ERCC1: variants seen among roughly 807,000 people sequenced by gnomAD.
ERCC1 encodes the protein ERCC excision repair 1, endonuclease non-catalytic subunit, also known as DNA excision repair protein ERCC-1.
A neutral mutation model predicts 37.6 loss-of-function variants in ERCC1; 36 were observed. The observed-to-expected ratio is 0.96, with a 90% CI of 0.73 to 1.26. The LOEUF is 1.26. Ranked by LOEUF, ERCC1 falls within the 50% of genes most tolerant of loss-of-function variation. The probability of loss-of-function intolerance (pLI) is 0.00; values close to 1 mark genes in which losing one functional copy is unlikely to be tolerated. For missense variants in ERCC1, 349 were observed against 376.5 expected (o/e 0.93, Z 0.60); for synonymous variants, 156 against 162.1 (o/e 0.96, Z 0.28).
chr19:45,428,083 C>CTTTCT (rs1555790018), upstream of ERCC1, among the ~76,000 whole-genome samples: 7 of 116,018 alleles, frequency 6.0e-5, no homozygotes, highest in South Asian at 2.7e-4. Context: ...TTCTTTCTTT[C>CTTTCT]TTTTTTTTTT....
chr19:45,446,697 C>T (rs1840134502), intron 1 of ERCC1, among the ~76,000 whole-genome samples: 1 of 152,128 alleles, frequency 6.6e-6, no homozygotes, highest in Non-Finnish European at 1.5e-5. Context: ...CACATGGAGC[C>T]GGTGTAGAAA....
intron 6 of ERCC1, among the ~76,000 whole-genome samples, chr19:45,416,185 A>T (rs1974059152): frequency 6.6e-6 from 1 of 152,198 alleles, no homozygotes; most frequent in Non-Finnish European, 1.5e-5. Context: ...AAGATCAGAG[A>T]ATACTCTGGA....
rs183371964 is a variant in ERCC1, at chr19:45,407,373, A to T, written c.*2302T>A. 173 of 769,460 alleles carry T rather than the reference A, an allele frequency of 2.2e-4. No homozygotes were observed. The African/African-American group carries it at 2.6e-3, about 11-fold the overall frequency. 47.7% of individuals were successfully genotyped at this position (769,460 alleles called of 1,614,324 possible). On this transcript the variant is annotated 3_prime_UTR_variant, in exon 10 of 10. Transcript: ENST00000300853. ...CAAGTTTATTGGAAACTACTCCTTT[A>T]CAGAGTAGAGTGTCCTCAGAAAGCA...
At chr19:45,410,684 G>A (rs1973680574) in intron 9 of ERCC1, 3 of 151,360 alleles carry the variant, frequency 2.0e-5, no homozygotes, top group Non-Finnish European at 4.4e-5. Flanking sequence ...TTATCTCCAT[G>A]AGTTCAATTG....
At chr19:45,421,040 CGAAT>C (rs3212949) in intron 3 of ERCC1, 134 bp downstream of exon 3, 9,061 of 748,174 alleles carry the variant, frequency 0.012, 70 homozygotes, top group Admixed American at 0.023. Context: ...ACACTGCTGT[CGAAT>C]GAATGAATGA....
chr19:45,449,004 C>T (rs1188625508), intron 1 of ERCC1, among the ~76,000 whole-genome samples: 2 of 152,188 alleles, frequency 1.3e-5, no homozygotes, highest in African/African-American at 4.8e-5. Context: ...AGGAGCTTTA[C>T]ATAACGTAGC....
At chr19:45,414,637 G>A in intron 7 of ERCC1, 1 of 517,644 alleles carries the variant, frequency 1.9e-6, no homozygotes, top group Non-Finnish European at 3.5e-6. Flanking sequence ...AGAAGTCTGG[G>A]CTTTCTCTCG....
chr19:45,426,921 T>G (rs941158939), upstream of ERCC1, among the ~76,000 whole-genome samples: 1 of 146,948 alleles, frequency 6.8e-6, no homozygotes, highest in African/African-American at 2.6e-5. Flanking sequence ...GATCACGCAA[T>G]TGTACTCCAG....
chr19:45,421,069 G>A, intron 3 of ERCC1, 109 bp downstream of exon 3: 1 of 873,220 alleles, frequency 1.1e-6, no homozygotes, highest in East Asian at 2.5e-5. Context: ...ATGAATGAAT[G>A]GGGAGAACAA....
chr19:45,428,085 T>TTTTTTC (rs1974743209), upstream of ERCC1, among the ~76,000 whole-genome samples: 1 of 136,060 alleles, frequency 7.3e-6, no homozygotes, highest in African/African-American at 3.0e-5. Context: ...CTTTCTTTCT[T>TTTTTTC]TTTTTTTTTT....
chr19:45,415,053 G>C, intron 6 of ERCC1, 93 bp from the exon 7 acceptor site: 1 of 935,868 alleles, frequency 1.1e-6, no homozygotes, highest in Non-Finnish European at 1.7e-6. Context: ...CCAATACTAG[G>C]CCGGGCGCGG....
intron 1 of ERCC1, 167 bp from the exon 2 acceptor site, chr19:45,423,548 C>T: frequency 6.9e-7 from 1 of 1,440,404 alleles, no homozygotes. Context: ...CCCCTTTGAC[C>T]TCCACCTTCG....
At position 45,420,415 on chromosome 19, in the gene ERCC1, C is replaced by T. The variant is rs534169621; in HGVS notation, c.334G>A (p.Val112Ile). ...GGCACATTGCGCACGAACTTCAGTA[C>T]GGGATTGCCCCTCTGGGGAGGGACG... is the stretch of plus-strand genomic sequence containing the variant. ...IVSPRQRGNP[V>I]LKFVRNVPWE... Residue 112 changes from valine to isoleucine, a missense_variant, in exon 4 of 10, where the codon GTA (valine) becomes ATA (isoleucine). Transcript: ENST00000300853. The surrounding 1 kb of genome is among the most constrained non-coding windows in gnomAD (Gnocchi z 4.8). The T allele has an allele frequency of 2.7e-5, 44 of 1,612,528 alleles. No homozygotes were observed. The highest frequency in any genetic ancestry group is 8.8e-5 in the South Asian group (8 of 90,860).
In ERCC1 at chr19:45,409,010, G is replaced by C; in HGVS notation, c.*665C>G. On this transcript the variant is annotated 3_prime_UTR_variant, in exon 10 of 10. Transcript: ENST00000300853. Reference sequence around the variant, plus strand: ...GATGGAGCCAGGGACGGAGGCGATGGAGCCAGTGGAGCCGGAGATGAAGCC... The same window carrying C: ...GATGGAGCCAGGGACGGAGGCGATGCAGCCAGTGGAGCCGGAGATGAAGCC... 6.2e-7 allele frequency: 1 copy of C among 1,614,078 alleles called. No individual in the cohort carries two copies. The highest frequency in any genetic ancestry group is 8.5e-7 in the Non-Finnish European group (1 of 1,180,026).
intron 9 of ERCC1, among the ~76,000 whole-genome samples, chr19:45,411,916 G>A (rs1031202505): frequency 3.3e-5 from 5 of 151,602 alleles, no homozygotes; most frequent in African/African-American, 4.8e-5. Flanking sequence ...GAGTGCAGTG[G>A]TATGATCTCG....
At position 45,438,075 on chromosome 19, in the gene ERCC1, A is replaced by AT. The variant is rs563070736; in HGVS notation, c.-7-14695dup. Among the ~76,000 whole-genome samples, 305 of 151,492 alleles carry AT rather than the reference A, an allele frequency of 2.0e-3. 1 individual carries two copies. The highest frequency in any genetic ancestry group is 7.0e-3 in the African/African-American group (289 of 41,376). On this transcript the variant is annotated intron_variant, in intron 1 of 8. Coordinates refer to the ERCC1 transcript ENST00000423698. ...GGCGTGTGAGACCACGCCCAGCTAAATTTTTTTTGTATTTTTAGTAGAGAT... is the reference window on the plus strand; with the variant it reads ...GGCGTGTGAGACCACGCCCAGCTAAATTTTTTTTTGTATTTTTAGTAGAGAT...
At chr19:45,421,880 G>A (rs1030156278) in intron 2 of ERCC1, among the ~76,000 whole-genome samples, 3 of 151,726 alleles carry the variant, frequency 2.0e-5, no homozygotes, top group African/African-American at 4.9e-5. Context: ...TGATCCGCCC[G>A]CCTCGGCCTC....
intron 1 of ERCC1, among the ~76,000 whole-genome samples, chr19:45,436,384 T>C (rs1481517336): frequency 6.6e-6 from 1 of 152,078 alleles, no homozygotes. Flanking sequence ...CCCAGCACTT[T>C]GGGAGGCCGA....
upstream of ERCC1, among the ~76,000 whole-genome samples, chr19:45,424,570 G>C (rs920562106): frequency 6.6e-6 from 1 of 152,216 alleles, no homozygotes; most frequent in Non-Finnish European, 1.5e-5. Flanking sequence ...GCAGCTCTCT[G>C]ATTACTAAGG....
Sources: allele counts gnomAD v4.1 joint callset (sites outside exome capture counted in the v4.1 genomes callset), GRCh38; gene constraint gnomAD v4.1.1; non-coding constraint Gnocchi (gnomAD v3.1); transcripts MANE v1.5; gene names NCBI Gene and HGNC (gene_info 2026-07-23, HGNC 2026-07-21).